The following CNTN6 variants were observed in gnomAD, a reference collection of about 807,000 sequenced individuals.
CNTN6 encodes the protein contactin-6.
In CNTN6, 137 loss-of-function variants were observed where a neutral mutation model predicts 122.8. The observed-to-expected ratio is 1.12, with a 90% CI of 0.97 to 1.29. The LOEUF is 1.29. Ranked by LOEUF, CNTN6 falls within the 50% of genes most tolerant of loss-of-function variation. CNTN6 has a pLI of 0.00. For synonymous variants in CNTN6, 570 were observed against 426.0 expected (o/e 1.34, Z -4.16); for missense variants, 1,634 against 1,223.4 (o/e 1.34, Z -5.01).
intron 21 of CNTN6, among the ~76,000 whole-genome samples, 160 bp downstream of exon 21, chr3:1,401,705 A>G (rs1695734475): frequency 6.6e-6 from 1 of 152,046 alleles, no homozygotes; most frequent in African/African-American, 2.4e-5. Flanking sequence ...TTTCCATTGA[A>G]AATGTTTTAC....
intron 1 of CNTN6, among the ~76,000 whole-genome samples, chr3:1,125,814 A>G (rs1394180): frequency 7.3e-5 from 11 of 150,992 alleles, no homozygotes; most frequent in African/African-American, 2.7e-4. Context: ...TATGACAACC[A>G]CAGACATATT....
At chr3:1,362,960 A>G (rs1575867183) in intron 12 of CNTN6, among the ~76,000 whole-genome samples, 1 of 151,960 alleles carries the variant, frequency 6.6e-6, no homozygotes, top group Admixed American at 6.6e-5. Flanking sequence ...GGAACCCAGA[A>G]GAAAATGAAA....
At position 1,402,506 on chromosome 3, in the gene CNTN6, C is replaced by T; in HGVS notation, c.2986+20C>T. 1 of 1,592,224 alleles carries T rather than the reference C, an allele frequency of 6.3e-7. No individual in the cohort carries two copies. Among genetic ancestry groups the T allele is most frequent in the Non-Finnish European group, 8.6e-7 (1 of 1,164,284 alleles). The stretch of plus-strand genomic sequence containing the variant: ...TGTCAAGTAAGTTGAGTCACCATTG[C>T]TGTAGTAGATTCTGAACCTAGACAG... On this transcript the variant is annotated intron_variant, in intron 22 of 22. Transcript: ENST00000446702.
chr3:1,381,935 C>T (rs1370964158), intron 17 of CNTN6, among the ~76,000 whole-genome samples: 4 of 141,300 alleles, frequency 2.8e-5, no homozygotes, highest in South Asian at 2.4e-4. Context: ...TTCTGGCGCT[C>T]GTGAATTGGT....
At chr3:1,324,949 C>T (rs1368495590) in intron 8 of CNTN6, among the ~76,000 whole-genome samples, 1 of 139,898 alleles carries the variant, frequency 7.1e-6, no homozygotes, top group African/African-American at 3.3e-5. Flanking sequence ...CTTGCCACAG[C>T]CTGAGAGTCC....
chr3:1,243,491 C>T (rs1273874580), intron 4 of CNTN6, among the ~76,000 whole-genome samples: 2 of 151,950 alleles, frequency 1.3e-5, no homozygotes, highest in African/African-American at 2.4e-5. Context: ...TATTTAATGT[C>T]GGGAGCAGAT....
At chr3:1,347,819 G>C (rs1044396484) in intron 11 of CNTN6, among the ~76,000 whole-genome samples, 2 of 152,054 alleles carry the variant, frequency 1.3e-5, no homozygotes, top group Non-Finnish European at 2.9e-5. Flanking sequence ...ACACAGACAA[G>C]AGGTTGCATG....
At chr3:1,272,999 A>G (rs918669872) in intron 4 of CNTN6, among the ~76,000 whole-genome samples, 8 of 152,148 alleles carry the variant, frequency 5.3e-5, no homozygotes, top group Non-Finnish European at 8.8e-5. Context: ...TTTAAAGCTC[A>G]TTTTATGGGC....
At position 1,377,038 on chromosome 3, in the gene CNTN6, G is replaced by T. The variant is rs1274588364; in HGVS notation, c.2129G>T (p.Gly710Val). The T allele has an allele frequency of 7.5e-6, 12 of 1,605,602 alleles. No individual in the cohort carries two copies. Among genetic ancestry groups the T allele is most frequent in the Non-Finnish European group, 9.4e-6 (11 of 1,175,628 alleles). ...GTGGCACCAGTAAACATCCATGGAG[G>T]TGGAGGAAGTCGGTCTGAACTCGTC... The part of the protein sequence containing the change: ...PVVAPVNIHG[G>V]GGSRSELVIT... The change falls in exon 17 of 23, where the codon GGT (glycine) becomes GTT (valine). Residue 710 changes from glycine to valine, a missense_variant. Gly to Val is a moderately radical substitution (Grantham distance 109). Transcript: ENST00000446702.
chr3:1,188,672 T>C (rs2093660894), intron 2 of CNTN6, among the ~76,000 whole-genome samples: 1 of 152,160 alleles, frequency 6.6e-6, no homozygotes, highest in Non-Finnish European at 1.5e-5. Flanking sequence ...AAAGTGAATA[T>C]TGCCAAGGAC....
rs1277719505 is a variant in CNTN6, at chr3:1,150,699, G to A, written c.55+2636G>A. Among the ~76,000 whole-genome samples the A allele has an allele frequency of 2.0e-5, 3 of 152,238 alleles. No homozygotes were observed. In the East Asian group the frequency reaches 5.8e-4, roughly 29 times the overall value. ...AACTGTTTCATTGATATGCATGACAGGCTAAATAATGGCCCCAAAAGATAT... is the reference window on the plus strand; with the variant it reads ...AACTGTTTCATTGATATGCATGACAAGCTAAATAATGGCCCCAAAAGATAT... On this transcript the variant is annotated intron_variant, in intron 2 of 22. Coordinates refer to ENST00000446702, the MANE Select transcript of CNTN6 (RefSeq NM_001289080.2).
At chr3:1,216,878 A>G (rs2094137291) in intron 2 of CNTN6, among the ~76,000 whole-genome samples, 1 of 152,200 alleles carries the variant, frequency 6.6e-6, no homozygotes, top group Non-Finnish European at 1.5e-5. Flanking sequence ...CCAAAGTTTA[A>G]TTTCTTGCTC....
chr3:1,391,642 A>G (rs1694163473), intron 20 of CNTN6, among the ~76,000 whole-genome samples: 2 of 151,510 alleles, frequency 1.3e-5, no homozygotes, highest in Non-Finnish European at 2.9e-5. Flanking sequence ...AGATGATTGT[A>G]TATCTAGAAA....
At chr3:1,371,287 A>G (rs1455499249) in intron 12 of CNTN6, among the ~76,000 whole-genome samples, 1 of 152,048 alleles carries the variant, frequency 6.6e-6, no homozygotes, top group Non-Finnish European at 1.5e-5. Context: ...TAAATTACCC[A>G]TGGAGAAATA....
chr3:1,301,772 G>T (rs1697470761), intron 7 of CNTN6, among the ~76,000 whole-genome samples: 1 of 152,306 alleles, frequency 6.6e-6, no homozygotes, highest in East Asian at 1.9e-4. Context: ...CTTACATTTT[G>T]TGTAGTTGGA....
chr3:1,249,536 G>A (rs1000716092), intron 4 of CNTN6, among the ~76,000 whole-genome samples: 7 of 152,194 alleles, frequency 4.6e-5, no homozygotes, highest in Non-Finnish European at 1.0e-4. Flanking sequence ...CTCCTAGGCA[G>A]TGTTTCTACT....
intron 4 of CNTN6, among the ~76,000 whole-genome samples, chr3:1,254,478 C>T (rs1215150937): frequency 1.3e-5 from 2 of 152,084 alleles, no homozygotes; most frequent in Non-Finnish European, 2.9e-5. Context: ...TTTTCAGGAA[C>T]AATACACTAT....
intron 19 of CNTN6, among the ~76,000 whole-genome samples, chr3:1,384,810 C>CAT (rs1337407489): frequency 1.5e-5 from 2 of 136,240 alleles, no homozygotes; most frequent in Admixed American, 7.7e-5. Context: ...CACACACACA[C>CAT]ACATATATAT....
chr3:1,362,498 G>C (rs562081625), intron 12 of CNTN6, among the ~76,000 whole-genome samples: 2 of 152,182 alleles, frequency 1.3e-5, no homozygotes, highest in East Asian at 1.9e-4. Flanking sequence ...ACTGACAATT[G>C]CAAGTGCTAA....
Sources: gnomAD v4.1 joint callset for allele counts (sites outside exome capture counted in the v4.1 genomes callset) on GRCh38, gnomAD v4.1.1 for gene constraint, MANE v1.5 for transcripts, NCBI Gene and HGNC (gene_info 2026-07-23, HGNC 2026-07-21) for gene names.